The following GALNT3 variants were observed in gnomAD, a reference collection of about 807,000 sequenced individuals.
GALNT3 encodes polypeptide N-acetylgalactosaminyltransferase 3, also known as GalNAc transferase 3.
Under a neutral mutation model 69.8 loss-of-function variants are expected in GALNT3, and 51 were observed. That is an observed-to-expected ratio of 0.73 (90% confidence interval 0.58 to 0.92). The LOEUF is 0.92. Among genes scored for constraint, GALNT3 ranks in the 40% least tolerant of loss-of-function variants. The pLI is 0.00. For synonymous variants in GALNT3, 265 were observed against 248.5 expected, an observed-to-expected ratio of 1.07 and a Z score of -0.63; for missense variants, 711 against 760.0, an observed-to-expected ratio of 0.94 and a Z score of 0.76.
chr2:165,770,293 T>G lies in GALNT3; in HGVS notation c.408A>C (p.Glu136Asp), dbSNP rs756804696. ...KAFKTTNLSV[E>D]EQKEKERGEA... ...CCCCACGTTCCTTTTCCTTTTGCTC[T>G]TCAACACTTAAATTGGTTGTCTTGA... is the stretch of plus-strand genomic sequence containing the variant. Residue 136 changes from glutamate to aspartate, a missense_variant, in exon 2 of 11, where the codon GAA becomes GAC. By Grantham distance (45) the Glu-to-Asp change is conservative (BLOSUM62 2). Coordinates refer to ENST00000392701, the MANE Select transcript of GALNT3 (RefSeq NM_004482.4). 1 of 1,614,210 alleles carries G rather than the reference T, an allele frequency of 6.2e-7. No individual in the cohort carries two copies. The highest frequency in any genetic ancestry group is 8.5e-7 in the Non-Finnish European group (1 of 1,180,044).
At chr2:165,791,255 CTGTG>C (rs71913828) in intron 1 of GALNT3, among the ~76,000 whole-genome samples, 35 of 147,302 alleles carry the variant, frequency 2.4e-4, no homozygotes, top group African/African-American at 5.2e-4. Flanking sequence ...GGGTGTGTGC[CTGTG>C]TGTGTGTGTG....
chr2:165,775,997 C>T (rs1342303408), intron 1 of GALNT3, among the ~76,000 whole-genome samples: 4 of 152,094 alleles, frequency 2.6e-5, no homozygotes, highest in Admixed American at 1.3e-4. Flanking sequence ...CCACAGTTTT[C>T]CAAAAAGACT....
chr2:165,793,945 C>A, intron 1 of GALNT3, 70 bp downstream of exon 1: 1 of 153,096 alleles, frequency 6.5e-6, no homozygotes, highest in Non-Finnish European at 1.5e-5. Flanking sequence ...TGAACCCCTG[C>A]GGCCGTCCTC....
chr2:165,792,631 A>C (rs1204884138), intron 1 of GALNT3, among the ~76,000 whole-genome samples: 2 of 152,242 alleles, frequency 1.3e-5, no homozygotes, highest in Admixed American at 6.5e-5. Context: ...TATTTTTAAA[A>C]TGTGTGGAGA....
At position 165,748,461 on chromosome 2, in the gene GALNT3, CTATA is replaced by C. The variant is rs140333197; in HGVS notation, c.*316_*319del. 2.0e-5 allele frequency: 7 copies of C among 343,414 alleles called. No individual in the cohort carries two copies. Among genetic ancestry groups the C allele is most frequent in the African/African-American group, 8.4e-5 (4 of 47,362 alleles). The allele number at this position is 343,414 out of a possible 1,614,324, so 21.3% of individuals were successfully genotyped here. A position where few individuals can be genotyped will look rare whatever the true frequency, so the allele number is the denominator to read the frequency against. On this transcript the variant is annotated 3_prime_UTR_variant, in exon 11 of 11. Coordinates refer to ENST00000392701, the MANE Select transcript of GALNT3 (RefSeq NM_004482.4). ...TTAAATTGTGAGTGTGTGAATGTAG[CTATA>C]TATATATATCCCTAAGTGTACAAAA... is the stretch of plus-strand genomic sequence containing the variant.
At chr2:165,780,865 T>C (rs1297130642) in intron 1 of GALNT3, among the ~76,000 whole-genome samples, 1 of 152,148 alleles carries the variant, frequency 6.6e-6, no homozygotes, top group African/African-American at 2.4e-5. Flanking sequence ...GATATATTGC[T>C]GTTGTACATC....
intron 1 of GALNT3, among the ~76,000 whole-genome samples, chr2:165,776,823 A>T (rs374532875): frequency 3.9e-4 from 60 of 152,320 alleles, no homozygotes; most frequent in African/African-American, 1.3e-3. Flanking sequence ...ACAAATTTAA[A>T]ATAATCTAAC....
At chr2:165,788,490 T>TGTGTGC (rs1683275438) in intron 1 of GALNT3, among the ~76,000 whole-genome samples, 1 of 151,496 alleles carries the variant, frequency 6.6e-6, no homozygotes, top group African/African-American at 2.4e-5. Context: ...TGTGTGTGTG[T>TGTGTGC]GTGTGTGTGT....
chr2:165,791,308 A>C (rs1249220815), intron 1 of GALNT3, among the ~76,000 whole-genome samples: 2 of 152,020 alleles, frequency 1.3e-5, no homozygotes, highest in South Asian at 4.1e-4. Flanking sequence ...AGAGAAAAAG[A>C]AAGCTGGTAG....
At chr2:165,786,160 G>C (rs1029932597) in intron 1 of GALNT3, among the ~76,000 whole-genome samples, 2 of 152,172 alleles carry the variant, frequency 1.3e-5, no homozygotes, top group African/African-American at 4.8e-5. Context: ...TACCATAATA[G>C]GAAGTCAGTA....
chr2:165,763,189 C>T (rs550582429), intron 3 of GALNT3, among the ~76,000 whole-genome samples: 1 of 152,076 alleles, frequency 6.6e-6, no homozygotes, highest in East Asian at 1.9e-4. Flanking sequence ...CTTCAAGCAG[C>T]CTTCTTGGGC....
Position 165,764,936 on chromosome 2 carries a change from T to G in GALNT3, c.636A>C (p.Ser212=). The part of the protein sequence containing the change: ...LRTVHSVLYS[S]PAILLKEIIL... Reference sequence around the variant, plus strand: ...TGATTTCCTTCAGCAGTATTGCAGGTGAAGAATAGAGCACACTGTGGACAG... The same window carrying G: ...TGATTTCCTTCAGCAGTATTGCAGGGGAAGAATAGAGCACACTGTGGACAG... Residue 212 remains serine (S), a synonymous_variant, in exon 3 of 11, where the codon TCA becomes TCC. Transcript: ENST00000392701. 3.1e-6 allele frequency: 5 copies of G among 1,614,194 alleles called. No individual in the cohort carries two copies. The highest frequency in any genetic ancestry group is 4.2e-6 in the Non-Finnish European group (5 of 1,180,030).
chr2:165,779,758 T>A (rs563052488), intron 1 of GALNT3, among the ~76,000 whole-genome samples: 17 of 152,020 alleles, frequency 1.1e-4, no homozygotes, highest in East Asian at 3.9e-4. Context: ...TGAAAAAAAA[T>A]TTTTAAAGAA....
intron 1 of GALNT3, among the ~76,000 whole-genome samples, chr2:165,782,312 A>C (rs1020020046): frequency 1.3e-5 from 2 of 151,906 alleles, no homozygotes; most frequent in Non-Finnish European, 2.9e-5. Context: ...GGGCCACATT[A>C]GAAGAAGAAG....
chr2:165,770,199 T>C lies in GALNT3; in HGVS notation c.502A>G (p.Thr168Ala), dbSNP rs764092487. ...TCTTCAACATACTCAGGAGGTCGAG[T>C]GTCTGGTCCAAGATCTCGGTGCAAA... ...ISLHRDLGPD[T>A]RPPECIEQKF... The change falls in exon 2 of 11, where the codon ACT (threonine) becomes GCT (alanine). Residue 168 changes from threonine to alanine, a missense_variant. Thr to Ala is a moderately conservative substitution (Grantham distance 58). Coordinates refer to ENST00000392701, the MANE Select transcript of GALNT3 (RefSeq NM_004482.4). 3 of 1,614,096 alleles carry C rather than the reference T, an allele frequency of 1.9e-6. No individual in the cohort carries two copies. Among genetic ancestry groups the C allele is most frequent in the Non-Finnish European group, 2.5e-6 (3 of 1,180,002 alleles).
At chr2:165,785,314 G>A (rs564431720) in intron 1 of GALNT3, among the ~76,000 whole-genome samples, 104 of 151,954 alleles carry the variant, frequency 6.8e-4, no homozygotes, top group African/African-American at 2.5e-3. Flanking sequence ...ATAGTTAAAT[G>A]GGAACAAAAA....
At position 165,749,671 on chromosome 2, in the gene GALNT3, C is replaced by T. The variant is rs1014076262; in HGVS notation, c.1779+71G>A. The T allele has an allele frequency of 4.2e-5, 55 of 1,297,384 alleles. No homozygotes were observed. The African/African-American group carries it at 6.3e-4, about 15-fold the overall frequency. 80.4% of individuals were successfully genotyped at this position (1,297,384 alleles called of 1,614,324 possible). ...GATAATATTAATGTACCATGTTCCACTCATTTTCCCAGATAAGCAAGTAGA... is the reference window on the plus strand; with the variant it reads ...GATAATATTAATGTACCATGTTCCATTCATTTTCCCAGATAAGCAAGTAGA... On this transcript the variant is annotated intron_variant, in intron 10 of 10. Coordinates refer to ENST00000392701, the MANE Select transcript of GALNT3 (RefSeq NM_004482.4).
rs1192512526 is a variant in GALNT3, at chr2:165,757,457, G to T, written c.1192-210C>A. 4.6e-5 allele frequency among the ~76,000 whole-genome samples: 7 copies of T among 152,158 alleles called. No individual in the cohort carries two copies. The South Asian group carries it at 1.2e-3, about 27-fold the overall frequency. On this transcript the variant is annotated intron_variant, in intron 6 of 10. Coordinates refer to ENST00000392701, the MANE Select transcript of GALNT3 (RefSeq NM_004482.4). ...GGCATAGACACTAAAGACAACAGAA[G>T]TGCATTTTCAGTAAGTTAACAAAAT...
chr2:165,770,768 T>C lies in GALNT3; in HGVS notation c.-68A>G. The stretch of plus-strand genomic sequence containing the variant: ...CTTCTTCTGTTACTTATATTTTTTA[T>C]CATAGATTTGCTGAGAAGAAGGTAT... On this transcript the variant is annotated 5_prime_UTR_variant, in exon 2 of 11. Coordinates refer to ENST00000392701, the MANE Select transcript of GALNT3 (RefSeq NM_004482.4). The C allele has an allele frequency of 6.5e-7, 1 of 1,547,022 alleles. No individual in the cohort carries two copies.
Sources: allele counts gnomAD v4.1 joint callset (sites outside exome capture counted in the v4.1 genomes callset), GRCh38; gene constraint gnomAD v4.1.1; transcripts MANE v1.5; gene names NCBI Gene and HGNC (gene_info 2026-07-23, HGNC 2026-07-21).